The following WDR24 variants were observed in gnomAD, a reference collection of about 807,000 sequenced individuals.
WDR24 encodes WD repeat domain 24, also known as GATOR2 complex protein WDR24.
A neutral mutation model predicts 66.7 loss-of-function variants in WDR24; 32 were observed. That is an observed-to-expected ratio of 0.48 (90% CI 0.36 to 0.64). The LOEUF (loss-of-function observed/expected upper bound fraction) is 0.64, where lower values mean the gene tolerates loss of function less well. WDR24 is among the 30% of genes least tolerant of loss of function. The probability of loss-of-function intolerance (pLI) is 0.00; values close to 1 mark genes in which losing one functional copy is unlikely to be tolerated. For synonymous variants in WDR24, 565 were observed against 469.1 expected, an observed-to-expected ratio of 1.20 and a Z score of -2.64; for missense variants, 978 against 1,144.1, an observed-to-expected ratio of 0.85 and a Z score of 2.09.
intron 7 of WDR24, 27 bp downstream of exon 7, chr16:685,230 A>AG (rs749723922): frequency 5.6e-6 from 9 of 1,595,884 alleles, no homozygotes; most frequent in Admixed American, 5.0e-5. Flanking sequence ...GCGGCGCTGC[A>AG]GGGGGGAGGC....
chr16:687,421 G>A lies in WDR24; in HGVS notation c.660-5C>T. ...CCTCCAGTGGCCAACCAGCCCCTGT[G>A]GGAAGAAGGTCCACCCAAACCCTCA... On this transcript the variant is annotated splice_polypyrimidine_tract_variant and splice_region_variant and intron_variant, in intron 2 of 8. Transcript: ENST00000293883. The A allele has an allele frequency of 6.3e-7, 1 of 1,582,194 alleles. No homozygotes were observed. The highest frequency in any genetic ancestry group is 1.3e-5 in the African/African-American group (1 of 74,348).
chr16:688,050 T>G (rs1389160137), intron 1 of WDR24: 14 of 539,908 alleles, frequency 2.6e-5, no homozygotes, highest in Non-Finnish European at 5.0e-5. Context: ...AGCTGAGCAC[T>G]GGGAGAATAG....
At position 687,202 on chromosome 16, in the gene WDR24, T is replaced by C. The variant is rs372663197; in HGVS notation, c.874A>G (p.Met292Val). 1.9e-6 allele frequency: 3 copies of C among 1,612,504 alleles called. No homozygotes were observed. Among genetic ancestry groups the C allele is most frequent in the South Asian group, 1.1e-5 (1 of 91,076 alleles). ...GTGACGTCTCGGTGTTCCTCAAACA[T>C]GGCAGCTGGCACGAAGGGCCGGCGC... is the stretch of plus-strand genomic sequence containing the variant. ...DVRRPFVPAA[M>V]FEEHRDVTTG... The change falls in exon 3 of 9, where the codon ATG becomes GTG. Residue 292 changes from methionine (M) to valine (V), a missense_variant. Met to Val is a conservative substitution (Grantham distance 21). Around this residue, in one of 2 missense-constraint regions of WDR24, gnomAD observed 302 missense variants for 526.6 expected, o/e 0.57. Transcript: ENST00000293883.
Position 686,132 on chromosome 16 carries a change from G to A in WDR24, c.1387C>T (p.Pro463Ser). Residue 463 changes from proline to serine, a missense_variant, in exon 4 of 9, where the codon CCC (proline) becomes TCC (serine). This residue lies in a region of WDR24 where 676 missense variants were observed against 617.5 expected (regional missense o/e 1.09). Coordinates refer to ENST00000293883, the MANE Select transcript of WDR24 (RefSeq NM_032259.4). ...ACACTGTGGTTGAGGTTTGCAGTGGGCACTAGGCCAGGGCTGCAGTAGATG... is the reference window on the plus strand; with the variant it reads ...ACACTGTGGTTGAGGTTTGCAGTGGACACTAGGCCAGGGCTGCAGTAGATG... The part of the protein sequence containing the change: ...RIIYCSPGLV[P>S]TANLNHSVGK... The A allele has an allele frequency of 6.2e-7, 1 of 1,613,052 alleles. No individual in the cohort carries two copies. Among genetic ancestry groups the A allele is most frequent in the Non-Finnish European group, 8.5e-7 (1 of 1,179,950 alleles).
Position 685,716 on chromosome 16 carries a change from C to A in WDR24, c.1641G>T (p.Glu547Asp). Residue 547 changes from glutamate (E) to aspartate (D), a missense_variant, in exon 6 of 9, where the codon GAG becomes GAT. Physicochemically the swap from Glu to Asp is conservative, Grantham distance 45. Around this residue, in one of 2 missense-constraint regions of WDR24, gnomAD observed 676 missense variants for 617.5 expected, o/e 1.09. Transcript: ENST00000293883. ...DYLLGDVEGEEDELYLLDPEH... is the reference protein window; with the variant it reads ...DYLLGDVEGEDDELYLLDPEH... ...CCGGATCCAGCAGGTACAGCTCGTC[C>A]TCCTCACCTTCCACGTCACCCAGCA... 3.1e-6 allele frequency: 5 copies of A among 1,613,256 alleles called. No individual in the cohort carries two copies. The highest frequency in any genetic ancestry group is 4.2e-6 in the Non-Finnish European group (5 of 1,180,020).
intron 1 of WDR24, 141 bp from the exon 2 acceptor site, chr16:687,880 C>T (rs1296051790): frequency 8.6e-7 from 1 of 1,165,006 alleles, no homozygotes; most frequent in African/African-American, 1.5e-5. Flanking sequence ...TCCCCAAGAT[C>T]TGCCCAAGGA....
At chr16:686,682 G>C (rs2039911262) in intron 3 of WDR24, 62 bp downstream of exon 3, 2 of 1,521,776 alleles carry the variant, frequency 1.3e-6, no homozygotes, top group African/African-American at 2.8e-5. Context: ...GCAGCTGACG[G>C]AGGAACCAGC....
At position 689,292 on chromosome 16, in the gene WDR24, T is replaced by C. The variant is rs746026993; in HGVS notation, c.349A>G (p.Thr117Ala). 8 of 1,613,818 alleles carry C rather than the reference T, an allele frequency of 5.0e-6. No homozygotes were observed. The Admixed American group carries it at 1.2e-4, about 24-fold the overall frequency. The change falls in exon 1 of 9, where the codon ACA becomes GCA. Residue 117 changes from threonine to alanine, a missense_variant. By Grantham distance (58) the Thr-to-Ala change is moderately conservative. Coordinates refer to ENST00000293883, the MANE Select transcript of WDR24 (RefSeq NM_032259.4). ...TTGTTTACCGTGCGCTTGTGTTCTG[T>C]GAACAGCTGGTCCTGCTTGTTGCGG... Reference protein sequence around the residue: ...PSRNKQDQLFTEHKRTVNKVC... With the variant: ...PSRNKQDQLFAEHKRTVNKVC...
rs547581958 is a variant in WDR24 at position 688,265 on chromosome 16, C to T, written c.482-526G>A. On this transcript the variant is annotated intron_variant, in intron 1 of 8. Coordinates refer to ENST00000293883, the MANE Select transcript of WDR24 (RefSeq NM_032259.4). ...TTCAAGGGCGGTACCCAACCTTCCT[C>T]CAGGGCCCTGCAGGGGAGGCAGCTC... Among the ~76,000 whole-genome samples, 391 of 152,286 alleles carry T rather than the reference C, an allele frequency of 2.6e-3. 2 individuals are homozygous for T. Among genetic ancestry groups the T allele is most frequent in the African/African-American group, 9.0e-3 (374 of 41,558 alleles).
chr16:685,587 A>C lies in WDR24; in HGVS notation c.1689T>G (p.Pro563=). 1 of 1,597,110 alleles carries C rather than the reference A, an allele frequency of 6.3e-7. No homozygotes were observed. The highest frequency in any genetic ancestry group is 8.5e-7 in the Non-Finnish European group (1 of 1,171,326). Residue 563 remains proline (P), a synonymous_variant, in exon 7 of 9, where the codon CCT becomes CCG. Transcript: ENST00000293883. ...LDPEHAHPED[P]ECVLPQEAFP... ...AGGCCTCCTGCGGCAGCACGCACTC[A>C]GGGTCCTCGGCTGGAAGGCAGGGAC...
In WDR24 at chr16:686,581, C is replaced by CCCACCCTGGAGCCCTGGT. The variant is rs1309129987; in HGVS notation, c.1332+162_1332+163insACCAGGGCTCCAGGGTGG. ...GGTCTGGCCCACCCTGGAGCCCTGGCCCTGTGTGATCCTGACACCCTCAGC... is the reference window on the plus strand; with the variant it reads ...GGTCTGGCCCACCCTGGAGCCCTGGCCCACCCTGGAGCCCTGGTCCTGTGTGATCCTGACACCCTCAGC... On this transcript the variant is annotated intron_variant, in intron 3 of 8. Coordinates refer to ENST00000293883, the MANE Select transcript of WDR24 (RefSeq NM_032259.4). 1.4e-3 allele frequency among the ~76,000 whole-genome samples: 207 copies of CCCACCCTGGAGCCCTGGT among 152,274 alleles called. 1 individual carries two copies. The highest frequency in any genetic ancestry group is 4.5e-3 in the African/African-American group (189 of 41,540).
chr16:685,823 C>G, intron 5 of WDR24, 40 bp from the exon 6 acceptor site: 1 of 1,613,014 alleles, frequency 6.2e-7, no homozygotes, highest in Non-Finnish European at 8.5e-7. Flanking sequence ...TCGTCTGGGA[C>G]ACCCCCACCC....
At chr16:688,027 C>T (rs1156365877) in intron 1 of WDR24, 1 of 585,004 alleles carries the variant, frequency 1.7e-6, no homozygotes, top group South Asian at 1.5e-5. Flanking sequence ...GTGGTGCAGC[C>T]TCAGGATGCG....
Position 687,077 on chromosome 16 carries a change from C to A in WDR24, c.999G>T (p.Gln333His). ...LCQHLFRDASQPVERANPEGL... is the reference protein window; with the variant it reads ...LCQHLFRDASHPVERANPEGL... ...CCTCAGGGTTGGCGCGCTCGACGGG[C>A]TGGCTGGCGTCGCGGAACAGGTGCT... The change falls in exon 3 of 9, where the codon CAG becomes CAT. Residue 333 changes from glutamine (Q) to histidine (H), a missense_variant. This residue lies in a region of WDR24 where 302 missense variants were observed against 526.6 expected (regional missense o/e 0.57). Coordinates refer to ENST00000293883, the MANE Select transcript of WDR24 (RefSeq NM_032259.4). 1 of 1,607,130 alleles carries A rather than the reference C, an allele frequency of 6.2e-7. No individual in the cohort carries two copies. Among genetic ancestry groups the A allele is most frequent in the East Asian group, 2.2e-5 (1 of 44,786 alleles).
intron 1 of WDR24, chr16:688,005 A>C: frequency 1.6e-6 from 1 of 621,886 alleles, no homozygotes; most frequent in Non-Finnish European, 3.0e-6. Flanking sequence ...GCATCGGTCC[A>C]TGAGCAAAGC....
Position 687,738 on chromosome 16 carries a change from G to A in WDR24, c.483C>T (p.Gly161=). The part of the protein sequence containing the change: ...RRKDSVSTFS[G]QSESVRDVQF... ...GCACGTCCCGCACGCTCTCCGACTG[G>A]CCTGCAGGCAGGAGGTCGATGCAGG... The change falls in exon 2 of 9, where the codon GGC becomes GGT. Residue 161 remains glycine (G), a splice_region_variant and synonymous_variant. Coordinates refer to ENST00000293883, the MANE Select transcript of WDR24 (RefSeq NM_032259.4). 6.2e-7 allele frequency: 1 copy of A among 1,612,642 alleles called. No homozygotes were observed. The highest frequency in any genetic ancestry group is 8.5e-7 in the Non-Finnish European group (1 of 1,179,632).
chr16:687,140 G>A lies in WDR24; in HGVS notation c.936C>T (p.Ser312=), dbSNP rs2039918399. 6.2e-7 allele frequency: 1 copy of A among 1,612,078 alleles called. No individual in the cohort carries two copies. The highest frequency in any genetic ancestry group is 1.3e-5 in the African/African-American group (1 of 74,926). Residue 312 remains serine (S), a synonymous_variant, in exon 3 of 9, where the codon TCC becomes TCT. Transcript: ENST00000293883. ...TGTCCTTGGAGCCAGACAGCAGGAA[G>A]GAGGGGTCGTGGGGGTGGCGCCAGG... ...GIAWRHPHDP[S]FLLSGSKDSS...
intron 1 of WDR24, chr16:688,000 GGTC>G (rs1235033055): frequency 3.2e-6 from 2 of 632,174 alleles, no homozygotes; most frequent in Admixed American, 4.2e-5. Context: ...ATCCTGCATC[GGTC>G]CATGAGCAAA....
Position 685,192 on chromosome 16 carries a change from C to A in WDR24, c.2020-16G>T, listed in dbSNP as rs1482331476. ...ACCAGTGCTCCTGGGGGAGGGAGCG[C>A]CCGGCAGTCAGGATCTGGGTGCCAG... is the stretch of plus-strand genomic sequence containing the variant. On this transcript the variant is annotated splice_polypyrimidine_tract_variant and intron_variant, in intron 7 of 8. Coordinates refer to ENST00000293883, the MANE Select transcript of WDR24 (RefSeq NM_032259.4). 1.3e-6 allele frequency: 2 copies of A among 1,594,152 alleles called. No individual in the cohort carries two copies. The highest frequency in any genetic ancestry group is 8.5e-7 in the Non-Finnish European group (1 of 1,170,120).
Sources: allele counts gnomAD v4.1 joint callset (sites outside exome capture counted in the v4.1 genomes callset), GRCh38; gene constraint gnomAD v4.1.1; regional missense constraint gnomAD v4.1.1; transcripts MANE v1.5; gene names NCBI Gene and HGNC (gene_info 2026-07-23, HGNC 2026-07-21).